Variants in DLGAP1 observed in about 807,000 individuals in gnomAD.
The protein encoded by DLGAP1 is DLG associated protein 1, also known as disks large-associated protein 1.
DLGAP1 carries 11 observed loss-of-function variants against 90.8 expected under a neutral mutation model. That is an observed-to-expected ratio of 0.12 (90% CI 0.08 to 0.20). DLGAP1 has a LOEUF of 0.20. DLGAP1 is among the 10% of genes least tolerant of loss of function. DLGAP1 has a pLI of 1.00. For synonymous variants in DLGAP1, 558 were observed against 540.7 expected, an observed-to-expected ratio of 1.03 and a Z score of -0.44; for missense variants, 1,050 against 1,333.8, an observed-to-expected ratio of 0.79 and a Z score of 3.31.
At chr18:3,755,245 A>G (rs962316175) in intron 5 of DLGAP1, among the ~76,000 whole-genome samples, 1 of 152,160 alleles carries the variant, frequency 6.6e-6, no homozygotes, top group Non-Finnish European at 1.5e-5. Context: ...AGACACAGAC[A>G]TATAGAAAAC....
At chr18:3,515,930 T>C (rs142570887) in intron 10 of DLGAP1, among the ~76,000 whole-genome samples, 4 of 152,300 alleles carry the variant, frequency 2.6e-5, no homozygotes, top group African/African-American at 7.2e-5. Context: ...CTCAAGAAAC[T>C]ACTTTCTTGG....
intron 7 of DLGAP1, among the ~76,000 whole-genome samples, chr18:3,619,130 G>A (rs1404739957): frequency 2.0e-5 from 3 of 152,084 alleles, no homozygotes; most frequent in African/African-American, 7.2e-5. Flanking sequence ...CCTTGATCTT[G>A]GTCTCCCAGC....
chr18:4,298,161 C>T (rs1462775713), intron 1 of DLGAP1, among the ~76,000 whole-genome samples: 3 of 152,126 alleles, frequency 2.0e-5, no homozygotes, highest in Non-Finnish European at 2.9e-5. Flanking sequence ...ACCCAAGTCC[C>T]GCAGTCCGCC....
intron 1 of DLGAP1, among the ~76,000 whole-genome samples, chr18:4,365,115 CAAT>C (rs2081732580): frequency 6.6e-6 from 1 of 152,078 alleles, no homozygotes; most frequent in South Asian, 2.1e-4. Context: ...TGAATATTAA[CAAT>C]AATATTCCTT....
chr18:4,177,653 C>T (rs34483259), intron 1 of DLGAP1, among the ~76,000 whole-genome samples: 59,874 of 151,898 alleles, frequency 0.39, 12,193 homozygotes, highest in East Asian at 0.7. Context: ...GTGTCTGCTG[C>T]TCCCTTCTTT....
chr18:3,574,917 C>A (rs2055028406), intron 8 of DLGAP1, among the ~76,000 whole-genome samples: 1 of 151,240 alleles, frequency 6.6e-6, no homozygotes, highest in South Asian at 2.1e-4. Context: ...CGGGTTCACG[C>A]CATTCTCCTG....
At chr18:3,608,614 C>T (rs1366558643) in intron 7 of DLGAP1, among the ~76,000 whole-genome samples, 1 of 152,070 alleles carries the variant, frequency 6.6e-6, no homozygotes, top group Non-Finnish European at 1.5e-5. Context: ...ATTGAGAAAA[C>T]TGAAGGAGCA....
chr18:3,731,391 G>C (rs1285992327), intron 6 of DLGAP1, among the ~76,000 whole-genome samples: 1 of 151,890 alleles, frequency 6.6e-6, no homozygotes, highest in African/African-American at 2.4e-5. Flanking sequence ...GCAACTTGTT[G>C]GTTTTTTACT....
intron 1 of DLGAP1, among the ~76,000 whole-genome samples, chr18:4,371,352 C>T (rs1225240335): frequency 6.6e-6 from 1 of 152,234 alleles, no homozygotes; most frequent in East Asian, 1.9e-4. Flanking sequence ...TCCTATGCAA[C>T]TGCATGGCAT....
intron 2 of DLGAP1, among the ~76,000 whole-genome samples, chr18:4,116,190 T>C (rs1190615755): frequency 6.6e-6 from 1 of 152,222 alleles, no homozygotes; most frequent in Non-Finnish European, 1.5e-5. Context: ...TTCAAATATG[T>C]CATACCATTG....
chr18:4,401,576 ATCT>A (rs1335097564), intron 1 of DLGAP1, among the ~76,000 whole-genome samples: 1 of 152,288 alleles, frequency 6.6e-6, no homozygotes, highest in East Asian at 1.9e-4. Flanking sequence ...GCATCTGGAG[ATCT>A]TCTTTAAAAA....
At chr18:3,820,623 T>C (rs1044936828) in intron 4 of DLGAP1, among the ~76,000 whole-genome samples, 7 of 152,176 alleles carry the variant, frequency 4.6e-5, no homozygotes, top group African/African-American at 1.4e-4. Flanking sequence ...TGTTTGACTT[T>C]CCTGTGCTTG....
chr18:3,622,291 G>C (rs973205841), intron 7 of DLGAP1, among the ~76,000 whole-genome samples: 1 of 152,012 alleles, frequency 6.6e-6, no homozygotes, highest in Non-Finnish European at 1.5e-5. Flanking sequence ...TTTTTTAGTA[G>C]AGACGGGGTT....
At chr18:3,539,449 A>G (rs995952556) in intron 9 of DLGAP1, among the ~76,000 whole-genome samples, 8 of 152,376 alleles carry the variant, frequency 5.3e-5, no homozygotes, top group Admixed American at 3.3e-4. Flanking sequence ...GCAGAAAACC[A>G]TGAAAGCAAA....
At chr18:4,420,253 T>C (rs2082998406) in intron 1 of DLGAP1, among the ~76,000 whole-genome samples, 1 of 152,164 alleles carries the variant, frequency 6.6e-6, no homozygotes, top group Admixed American at 6.5e-5. Flanking sequence ...CACTTTTCTC[T>C]CATAATTGAC....
chr18:4,084,176 C>T lies in DLGAP1; in HGVS notation c.-159+67004G>A, dbSNP rs1490054585. ...TTTGAGCAGCCCTGTGATTAAACTT[C>T]CTTCTCTGCTGCAACCTGGTGTCTT... On this transcript the variant is annotated intron_variant, in intron 2 of 12. Transcript: ENST00000315677. The surrounding 1 kb of genome is among the most constrained non-coding windows in gnomAD (Gnocchi z 4.0). 6.6e-6 allele frequency among the ~76,000 whole-genome samples: 1 copy of T among 152,166 alleles called. No homozygotes were observed. The highest frequency in any genetic ancestry group is 1.5e-5 in the Non-Finnish European group (1 of 68,038).
At chr18:3,758,641 T>C (rs1281632471) in intron 5 of DLGAP1, among the ~76,000 whole-genome samples, 1 of 152,174 alleles carries the variant, frequency 6.6e-6, no homozygotes. Context: ...GTTCTGCATG[T>C]CCTTCTTAAC....
intron 5 of DLGAP1, among the ~76,000 whole-genome samples, chr18:3,746,998 C>A (rs4798124): frequency 0.24 from 36,442 of 152,018 alleles, 6,269 homozygotes; most frequent in African/African-American, 0.49. Context: ...AGGGAGAAAC[C>A]AAATTAAGAC....
chr18:3,600,098 CTGTT>C (rs1230236553), intron 7 of DLGAP1, among the ~76,000 whole-genome samples: 3 of 152,142 alleles, frequency 2.0e-5, no homozygotes, highest in African/African-American at 4.8e-5. Flanking sequence ...TTTTAAAAAA[CTGTT>C]TGTAAAGACA....
Sources: allele counts gnomAD v4.1 joint callset (sites outside exome capture counted in the v4.1 genomes callset), GRCh38; gene constraint gnomAD v4.1.1; non-coding constraint Gnocchi (gnomAD v3.1); transcripts MANE v1.5; gene names NCBI Gene and HGNC (gene_info 2026-07-23, HGNC 2026-07-21).